CCDC81: variants seen among roughly 807,000 people sequenced by gnomAD.
The protein encoded by CCDC81 is coiled-coil domain-containing protein 81.
A neutral mutation model predicts 83.7 loss-of-function variants in CCDC81; 79 were observed. That is an observed-to-expected ratio of 0.94 (90% CI 0.79 to 1.14). CCDC81 has a LOEUF of 1.14. Ranked by LOEUF, CCDC81 falls within the 50% of genes most tolerant of loss-of-function variation. The pLI, the probability that CCDC81 is intolerant of heterozygous loss-of-function variation, is 0.00. For missense variants in CCDC81, 791 were observed against 778.1 expected, an observed-to-expected ratio of 1.02 and a Z score of -0.20; for synonymous variants, 252 against 278.1, an observed-to-expected ratio of 0.91 and a Z score of 0.93.
chr11:86,383,578 T>C (rs866051321), intron 1 of CCDC81, among the ~76,000 whole-genome samples: 1 of 152,218 alleles, frequency 6.6e-6, no homozygotes, highest in African/African-American at 2.4e-5. Flanking sequence ...TAGGGATTAG[T>C]TCTTTATAAG....
intron 11 of CCDC81, among the ~76,000 whole-genome samples, chr11:86,413,864 A>G (rs1345843641): frequency 2.0e-5 from 3 of 152,224 alleles, no homozygotes; most frequent in African/African-American, 7.2e-5. Flanking sequence ...CCCTCTGCTT[A>G]CATACATATG....
chr11:86,420,122 T>C (rs577724581), intron 14 of CCDC81, 69 bp downstream of exon 14: 1 of 1,560,476 alleles, frequency 6.4e-7, no homozygotes, highest in Non-Finnish European at 8.7e-7. Flanking sequence ...CAAGTGGAAC[T>C]CCACTTGATT....
chr11:86,393,499 A>T (rs1948364163), intron 4 of CCDC81, among the ~76,000 whole-genome samples: 1 of 152,238 alleles, frequency 6.6e-6, no homozygotes, highest in African/African-American at 2.4e-5. Context: ...TCCCAAGGTG[A>T]ACTAGAACTG....
intron 7 of CCDC81, among the ~76,000 whole-genome samples, chr11:86,406,573 G>A (rs569177815): frequency 6.6e-6 from 1 of 152,130 alleles, no homozygotes; most frequent in African/African-American, 2.4e-5. Context: ...TTGGGAGGCC[G>A]AGGTGGGCAG....
chr11:86,404,973 T>C (rs1170003830), intron 7 of CCDC81, among the ~76,000 whole-genome samples: 1 of 152,216 alleles, frequency 6.6e-6, no homozygotes, highest in Non-Finnish European at 1.5e-5. Context: ...TGAGTACTTT[T>C]ACAGTAATTG....
intron 13 of CCDC81, chr11:86,419,329 A>C (rs1478864766): frequency 6.6e-6 from 1 of 152,240 alleles, no homozygotes; most frequent in African/African-American, 2.4e-5. Flanking sequence ...AACACTGGGA[A>C]TATCTCCCTT....
intron 1 of CCDC81, among the ~76,000 whole-genome samples, chr11:86,383,376 CATT>C (rs1339221598): frequency 8.5e-5 from 13 of 152,122 alleles, no homozygotes; most frequent in Non-Finnish European, 1.5e-4. Context: ...TGTTTTTTGA[CATT>C]AATGACTTTT....
intron 5 of CCDC81, among the ~76,000 whole-genome samples, chr11:86,395,684 G>A (rs137869665): frequency 2.0e-5 from 3 of 152,276 alleles, no homozygotes; most frequent in South Asian, 2.1e-4. Flanking sequence ...GCAGTGGCAC[G>A]ATCTCTGCTC....
chr11:86,377,551 A>G (rs563549119), intron 1 of CCDC81, among the ~76,000 whole-genome samples: 1 of 152,202 alleles, frequency 6.6e-6, no homozygotes, highest in Non-Finnish European at 1.5e-5. Context: ...CTGATGATAA[A>G]TAATGGGGAG....
At chr11:86,384,061 T>C (rs72966088) in intron 1 of CCDC81, among the ~76,000 whole-genome samples, 4 of 152,346 alleles carry the variant, frequency 2.6e-5, no homozygotes, top group Non-Finnish European at 4.4e-5. Flanking sequence ...CTCCTGGCTC[T>C]AATGAAATCA....
intron 14 of CCDC81, among the ~76,000 whole-genome samples, chr11:86,421,910 C>CAAA (rs558739434): frequency 0.11 from 10,244 of 93,768 alleles, 664 homozygotes; most frequent in African/African-American, 0.23. Context: ...GACCTAGTCT[C>CAAA]AAAAAAAAAA....
At chr11:86,415,411 C>CCACTATTGT in intron 13 of CCDC81, 98 bp downstream of exon 13, 1 of 898,240 alleles carries the variant, frequency 1.1e-6, no homozygotes, top group Non-Finnish European at 1.8e-6. Context: ...TCATCTTTCT[C>CCACTATTGT]ATACAATAGT....
At chr11:86,405,439 A>T (rs964984814) in intron 7 of CCDC81, among the ~76,000 whole-genome samples, 1 of 152,116 alleles carries the variant, frequency 6.6e-6, no homozygotes, top group African/African-American at 2.4e-5. Flanking sequence ...CTCAATCTAG[A>T]CTTTAATTTC....
chr11:86,400,807 G>A lies in CCDC81; in HGVS notation c.881+6G>A. On this transcript the variant is annotated splice_donor_region_variant and intron_variant, in intron 7 of 14. Coordinates refer to ENST00000445632, the MANE Select transcript of CCDC81 (RefSeq NM_001156474.2). ...AAGATTATGACCCCTGAAAGGTAAT[G>A]CATTGACTTTTTTTTTTCTGTTGTA... 1 of 1,584,608 alleles carries A rather than the reference G, an allele frequency of 6.3e-7. No homozygotes were observed. The highest frequency in any genetic ancestry group is 8.6e-7 in the Non-Finnish European group (1 of 1,160,244).
intron 5 of CCDC81, 122 bp from the exon 6 acceptor site, chr11:86,397,499 T>G: frequency 8.2e-7 from 1 of 1,212,162 alleles, no homozygotes; most frequent in South Asian, 1.6e-5. Flanking sequence ...CACTCACCCC[T>G]TGAAGAAAGT....
At chr11:86,407,555 T>C in intron 7 of CCDC81, 59 bp from the exon 8 acceptor site, 1 of 1,140,952 alleles carries the variant, frequency 8.8e-7, no homozygotes, top group East Asian at 2.5e-5. Flanking sequence ...TCTAAAATTA[T>C]TATTGCCCTT....
intron 3 of CCDC81, among the ~76,000 whole-genome samples, chr11:86,388,542 A>G (rs1219938146): frequency 6.6e-6 from 1 of 152,152 alleles, no homozygotes; most frequent in African/African-American, 2.4e-5. Flanking sequence ...CTCTAAGATA[A>G]TGTTCCTGAA....
At chr11:86,386,238 C>T in intron 2 of CCDC81, 126 bp downstream of exon 2, 1 of 272,748 alleles carries the variant, frequency 3.7e-6, no homozygotes, top group Non-Finnish European at 6.7e-6. Flanking sequence ...GACTTTAGAG[C>T]CATCCTGTTT....
chr11:86,408,372 A>C, intron 9 of CCDC81, 102 bp downstream of exon 9: 6 of 1,157,864 alleles, frequency 5.2e-6, no homozygotes, highest in Non-Finnish European at 7.0e-6. Flanking sequence ...TCACTCTGTC[A>C]CCCAGGTTGG....
Sources: gnomAD v4.1 joint callset for allele counts (sites outside exome capture counted in the v4.1 genomes callset) on GRCh38, gnomAD v4.1.1 for gene constraint, MANE v1.5 for transcripts, NCBI Gene and HGNC (gene_info 2026-07-23, HGNC 2026-07-21) for gene names.